The following NRXN3 variants were observed in gnomAD, a reference collection of about 807,000 sequenced individuals.
NRXN3 encodes neurexin 3.
Under a neutral mutation model 137.6 loss-of-function variants are expected in NRXN3, and 32 were observed. The ratio of observed to expected loss-of-function variants is 0.23; its 90% confidence interval spans 0.18 to 0.31. NRXN3 has a LOEUF of 0.31. Among genes scored for constraint, NRXN3 ranks in the 10% least tolerant of loss-of-function variants. The probability of loss-of-function intolerance (pLI) is 1.00; values close to 1 mark genes in which losing one functional copy is unlikely to be tolerated. For synonymous variants in NRXN3, 798 were observed against 784.5 expected (o/e 1.02, Z -0.29); for missense variants, 1,574 against 2,062.5 (o/e 0.76, Z 4.59).
intron 6 of NRXN3, among the ~76,000 whole-genome samples, chr14:78,657,573 A>T (rs550636541): frequency 4.6e-5 from 7 of 152,224 alleles, no homozygotes; most frequent in Non-Finnish European, 8.8e-5. Context: ...ATTGGATAGA[A>T]CATCATTGTG....
intron 4 of NRXN3, among the ~76,000 whole-genome samples, chr14:78,452,840 C>T (rs2094583500): frequency 1.3e-5 from 2 of 152,246 alleles, no homozygotes; most frequent in African/African-American, 4.8e-5. Flanking sequence ...CTGCCAGGTG[C>T]AATCCCAAGA....
At chr14:79,609,785 C>G (rs2098075710) in intron 16 of NRXN3, among the ~76,000 whole-genome samples, 1 of 152,168 alleles carries the variant, frequency 6.6e-6, no homozygotes, top group African/African-American at 2.4e-5. Flanking sequence ...GATATAGTAT[C>G]TAACTTCATG....
intron 16 of NRXN3, among the ~76,000 whole-genome samples, chr14:79,471,054 C>A (rs1446006621): frequency 6.6e-6 from 1 of 151,242 alleles, no homozygotes. Context: ...TCAAAGAAGA[C>A]AATTCCTAGA....
chr14:78,886,436 C>T (rs992805801), intron 10 of NRXN3, among the ~76,000 whole-genome samples: 1 of 151,972 alleles, frequency 6.6e-6, no homozygotes. Context: ...TGATCAAACA[C>T]ATATTCTCTG....
intron 19 of NRXN3, among the ~76,000 whole-genome samples, chr14:79,787,345 G>A (rs1434127447): frequency 6.6e-6 from 1 of 152,006 alleles, no homozygotes; most frequent in Non-Finnish European, 1.5e-5. Context: ...GATCAACCCA[G>A]GATAATTAAC....
At chr14:79,444,591 G>A (rs939517690) in intron 15 of NRXN3, among the ~76,000 whole-genome samples, 1 of 152,164 alleles carries the variant, frequency 6.6e-6, no homozygotes. Context: ...TTGGGAGGCT[G>A]ACACCAGTAA....
chr14:79,111,828 GA>G (rs2053587811), intron 15 of NRXN3, among the ~76,000 whole-genome samples: 2 of 151,844 alleles, frequency 1.3e-5, no homozygotes, highest in East Asian at 1.9e-4. Flanking sequence ...AAAAAATTGG[GA>G]AAAAAGGAAA....
chr14:78,522,919 G>T (rs1341250705), intron 4 of NRXN3, among the ~76,000 whole-genome samples: 1 of 152,198 alleles, frequency 6.6e-6, no homozygotes, highest in Non-Finnish European at 1.5e-5. Context: ...TATTCTTTAA[G>T]ACCCTGAATC....
intron 4 of NRXN3, among the ~76,000 whole-genome samples, chr14:78,343,478 G>T (rs559386908): frequency 1.3e-5 from 2 of 152,248 alleles, no homozygotes; most frequent in African/African-American, 4.8e-5. Flanking sequence ...AAAACAGCCA[G>T]ATAAGTAATA....
intron 4 of NRXN3, among the ~76,000 whole-genome samples, chr14:78,399,502 G>C (rs145257783): frequency 5.9e-5 from 9 of 152,282 alleles, no homozygotes; most frequent in Non-Finnish European, 1.3e-4. Flanking sequence ...GAGCTGTCCA[G>C]GGTGCTGGAC....
intron 6 of NRXN3, among the ~76,000 whole-genome samples, chr14:78,655,550 T>C (rs1010626509): frequency 1.3e-5 from 2 of 152,192 alleles, no homozygotes; most frequent in African/African-American, 4.8e-5. Flanking sequence ...TGGTCATTTA[T>C]TTGACACTAT....
chr14:78,664,755 CAT>C (rs2097867902), intron 6 of NRXN3, among the ~76,000 whole-genome samples: 1 of 152,198 alleles, frequency 6.6e-6, no homozygotes, highest in Non-Finnish European at 1.5e-5. Context: ...GCACTGTGTT[CAT>C]ATGTTTCCTC....
chr14:79,765,492 T>C (rs2099052850), intron 19 of NRXN3, among the ~76,000 whole-genome samples: 2 of 152,218 alleles, frequency 1.3e-5, no homozygotes, highest in Non-Finnish European at 2.9e-5. Flanking sequence ...AACCCTTTGC[T>C]GTGTGGTAAT....
chr14:78,400,728 C>G (rs967470815), intron 4 of NRXN3, among the ~76,000 whole-genome samples: 1 of 152,162 alleles, frequency 6.6e-6, no homozygotes, highest in Non-Finnish European at 1.5e-5. Flanking sequence ...AATACACTCT[C>G]CACTGTGTTT....
intron 4 of NRXN3, among the ~76,000 whole-genome samples, chr14:78,314,945 T>TCCTC (rs2078480430): frequency 1.3e-5 from 1 of 76,802 alleles, no homozygotes; most frequent in Non-Finnish European, 2.5e-5. Context: ...CTTTCTTTCT[T>TCCTC]CCTTCCTTCC....
chr14:79,115,171 C>T (rs965826097), intron 15 of NRXN3, among the ~76,000 whole-genome samples: 21 of 151,800 alleles, frequency 1.4e-4, no homozygotes, highest in African/African-American at 4.8e-4. Flanking sequence ...ACTAAAAATA[C>T]AAAATTAGAC....
chr14:78,943,821 C>A (rs1286315215), intron 10 of NRXN3, among the ~76,000 whole-genome samples: 2 of 151,360 alleles, frequency 1.3e-5, no homozygotes, highest in Non-Finnish European at 2.9e-5. Flanking sequence ...ATTTACTCAA[C>A]AAGCATCTGA....
chr14:79,636,690 G>T (rs959952977), intron 16 of NRXN3, among the ~76,000 whole-genome samples: 3 of 152,140 alleles, frequency 2.0e-5, no homozygotes, highest in Admixed American at 2.0e-4. Context: ...TCACTGTTCA[G>T]ATATTACTAA....
At chr14:78,882,338 C>T (rs2099131507) in intron 10 of NRXN3, among the ~76,000 whole-genome samples, 1 of 151,698 alleles carries the variant, frequency 6.6e-6, no homozygotes, top group Non-Finnish European at 1.5e-5. Context: ...GGTAGATCCA[C>T]TGACAGCTTG....
Sources: allele counts gnomAD v4.1 joint callset (sites outside exome capture counted in the v4.1 genomes callset), GRCh38; gene constraint gnomAD v4.1.1; transcripts MANE v1.5; gene names NCBI Gene and HGNC (gene_info 2026-07-23, HGNC 2026-07-21).